Variants in DNM3 observed in about 807,000 individuals in gnomAD.
The protein encoded by DNM3 is dynamin 3, also known as dynamin-3.
In DNM3, 47 loss-of-function variants were observed where a neutral mutation model predicts 101.6. The observed-to-expected ratio is 0.46, with a 90% CI of 0.37 to 0.59. The LOEUF is 0.59. Ranked by LOEUF, DNM3 falls within the 20% of genes least tolerant of loss-of-function variation. The pLI is 0.00. For synonymous variants in DNM3, 385 were observed against 387.9 expected (o/e 0.99, Z 0.09); for missense variants, 849 against 1,085.7 (o/e 0.78, Z 3.06).
At chr1:171,862,529 G>A (rs2125048295) in intron 1 of DNM3, among the ~76,000 whole-genome samples, 1 of 152,258 alleles carries the variant, frequency 6.6e-6, no homozygotes, top group Non-Finnish European at 1.5e-5. Context: ...TATATGAAAT[G>A]TATAGAGTAG....
At chr1:172,338,753 A>G (rs925784433) in intron 17 of DNM3, 3 of 459,874 alleles carry the variant, frequency 6.5e-6, no homozygotes, top group Non-Finnish European at 1.3e-5. Context: ...AGTCATTACC[A>G]TATCTCTTTG....
chr1:172,303,864 G>C (rs1018892833), intron 15 of DNM3, among the ~76,000 whole-genome samples: 89 of 152,110 alleles, frequency 5.9e-4, no homozygotes, highest in Non-Finnish European at 5.9e-5. Context: ...TGCCTTATAA[G>C]AGCTTCTGAA....
At chr1:172,234,641 A>C (rs1177910656) in intron 14 of DNM3, among the ~76,000 whole-genome samples, 1 of 152,124 alleles carries the variant, frequency 6.6e-6, no homozygotes, top group Non-Finnish European at 1.5e-5. Context: ...CTATATTACA[A>C]GGCTACAGTA....
chr1:172,365,015 G>C (rs540736979), intron 17 of DNM3, among the ~76,000 whole-genome samples: 1 of 151,884 alleles, frequency 6.6e-6, no homozygotes, highest in Admixed American at 6.6e-5. Flanking sequence ...CTGAGTCTCA[G>C]GTATTTCTTT....
At chr1:172,222,166 G>A (rs1573004516) in intron 14 of DNM3, among the ~76,000 whole-genome samples, 1 of 152,164 alleles carries the variant, frequency 6.6e-6, no homozygotes, top group Non-Finnish European at 1.5e-5. Context: ...AGAGTTAAGT[G>A]CAGACTTGGT....
chr1:171,931,997 T>G (rs1486991161), intron 2 of DNM3, among the ~76,000 whole-genome samples: 1 of 92,260 alleles, frequency 1.1e-5, no homozygotes, highest in Non-Finnish European at 2.1e-5. Flanking sequence ...CCTCCCTCCC[T>G]TCCTTCCTTC....
At chr1:172,231,025 A>G (rs992787268) in intron 14 of DNM3, among the ~76,000 whole-genome samples, 1 of 151,802 alleles carries the variant, frequency 6.6e-6, no homozygotes, top group African/African-American at 2.4e-5. Flanking sequence ...TTCAGCTCCT[A>G]GATGAGTTCA....
intron 11 of DNM3, among the ~76,000 whole-genome samples, chr1:172,079,894 G>C (rs1264606325): frequency 6.6e-6 from 1 of 152,138 alleles, no homozygotes; most frequent in East Asian, 1.9e-4. Context: ...CTGCAGGTCT[G>C]CTGGAGTTTG....
At chr1:172,371,276 A>T (rs1003581543) in intron 17 of DNM3, among the ~76,000 whole-genome samples, 1 of 152,168 alleles carries the variant, frequency 6.6e-6, no homozygotes, top group East Asian at 1.9e-4. Flanking sequence ...TCAGATAGGT[A>T]GCAAAGAATC....
At chr1:171,905,443 A>T (rs1416575735) in intron 1 of DNM3, among the ~76,000 whole-genome samples, 1 of 152,224 alleles carries the variant, frequency 6.6e-6, no homozygotes, top group Non-Finnish European at 1.5e-5. Flanking sequence ...GAATGAAATG[A>T]CTTACCTTAA....
intron 13 of DNM3, among the ~76,000 whole-genome samples, chr1:172,098,815 A>C (rs1183997799): frequency 6.6e-6 from 1 of 152,216 alleles, no homozygotes; most frequent in African/African-American, 2.4e-5. Context: ...AACAAGTGGT[A>C]GAACAAAAGC....
intron 14 of DNM3, among the ~76,000 whole-genome samples, chr1:172,235,662 C>G (rs1011793318): frequency 1.1e-4 from 16 of 151,858 alleles, no homozygotes; most frequent in Non-Finnish European, 1.5e-4. Context: ...ATACTATGAA[C>G]CCATAAAAAA....
chr1:172,036,162 C>T (rs1402670524), intron 6 of DNM3, among the ~76,000 whole-genome samples: 23 of 116,380 alleles, frequency 2.0e-4, no homozygotes, highest in Non-Finnish European at 3.1e-4. Context: ...CCCCTCCCCC[C>T]ACCCCACAAC....
intron 12 of DNM3, among the ~76,000 whole-genome samples, chr1:172,091,640 G>T (rs1188803419): frequency 6.6e-6 from 1 of 152,184 alleles, no homozygotes; most frequent in Non-Finnish European, 1.5e-5. Context: ...AGGAGGAGAT[G>T]AGTCAAAGAG....
intron 4 of DNM3, among the ~76,000 whole-genome samples, chr1:172,017,252 A>C (rs1447003976): frequency 1.3e-5 from 2 of 152,062 alleles, no homozygotes; most frequent in African/African-American, 4.8e-5. Context: ...CTTTGGATTT[A>C]ATTTGCTCTT....
rs11463354 is a variant in DNM3, at chr1:172,359,627, T to TAA, written c.1894-19379_1894-19378dup. ...TCATCATACAGTCTATTCAGAAAAA[T>TAA]AAAAAAAAAAAAACCTTAAGTAGCT... On this transcript the variant is annotated intron_variant, in intron 17 of 20. Transcript: ENST00000627582. Among the ~76,000 whole-genome samples, 118 of 142,108 alleles carry TAA rather than the reference T, an allele frequency of 8.3e-4. 1 individual carries two copies. Among genetic ancestry groups the TAA allele is most frequent in the African/African-American group, 1.6e-3 (62 of 39,246 alleles). 93.2% of individuals were successfully genotyped at this position (142,108 alleles called of 152,430 possible).
intron 13 of DNM3, among the ~76,000 whole-genome samples, chr1:172,111,791 T>C (rs1174680966): frequency 6.6e-6 from 1 of 151,210 alleles, no homozygotes; most frequent in Non-Finnish European, 1.5e-5. Flanking sequence ...GTTAAAATAG[T>C]ATAATAGATG....
At chr1:172,060,647 T>G in intron 10 of DNM3, among the ~76,000 whole-genome samples, 1 of 88,418 alleles carries the variant, frequency 1.1e-5, no homozygotes, top group African/African-American at 5.1e-5. Flanking sequence ...TAGCCATATG[T>G]AGAAAGCTGA....
intron 1 of DNM3, among the ~76,000 whole-genome samples, chr1:171,858,504 T>C (rs568138677): frequency 3.3e-5 from 5 of 152,244 alleles, no homozygotes; most frequent in African/African-American, 1.2e-4. Context: ...AGGATTATGA[T>C]ACTGAAAAGA....
Sources: allele counts gnomAD v4.1 joint callset (sites outside exome capture counted in the v4.1 genomes callset), GRCh38; gene constraint gnomAD v4.1.1; transcripts MANE v1.5; gene names NCBI Gene and HGNC (gene_info 2026-07-23, HGNC 2026-07-21).